Variants in TBCD observed in about 807,000 individuals in gnomAD.
TBCD encodes tubulin-specific chaperone D.
In TBCD, 105 loss-of-function variants were observed where a neutral mutation model predicts 169.3. That is an observed-to-expected ratio of 0.62 (90% CI 0.53 to 0.73). The LOEUF is 0.73. Among genes scored for constraint, TBCD ranks in the 30% least tolerant of loss-of-function variants. The probability of loss-of-function intolerance (pLI) is 0.00; values close to 1 mark genes in which losing one functional copy is unlikely to be tolerated. For synonymous variants in TBCD, 700 were observed against 643.9 expected (o/e 1.09, Z -1.32); for missense variants, 1,444 against 1,600.1 (o/e 0.90, Z 1.66).
intron 2 of TBCD, among the ~76,000 whole-genome samples, chr17:82,758,335 G>C (rs1045012999): frequency 1.6e-5 from 2 of 126,906 alleles, no homozygotes; most frequent in African/African-American, 2.9e-5. Flanking sequence ...AGTGAGCCAA[G>C]ATCGTGCCAT....
rs1481724894 is a variant in TBCD at position 82,880,799 on chromosome 17, G to C, written c.1476-3346G>C. On this transcript the variant is annotated intron_variant, in intron 14 of 38. Transcript: ENST00000355528. This position sits in a 1 kb window ranked among gnomAD's most constrained non-coding sequence, Gnocchi z 5.0. Reference sequence around the variant, plus strand: ...CAGGGTCTGTCGGAGCATAGCAGTGGCCCGTACGTGAGGGACTTTGTTGTT... The same window carrying C: ...CAGGGTCTGTCGGAGCATAGCAGTGCCCCGTACGTGAGGGACTTTGTTGTT... Among the ~76,000 whole-genome samples the C allele has an allele frequency of 1.3e-5, 2 of 152,236 alleles. No homozygotes were observed. Among genetic ancestry groups the C allele is most frequent in the Non-Finnish European group, 2.9e-5 (2 of 68,036 alleles).
intron 20 of TBCD, among the ~76,000 whole-genome samples, chr17:82,906,647 A>G (rs1410170587): frequency 1.3e-5 from 2 of 152,238 alleles, no homozygotes; most frequent in Non-Finnish European, 2.9e-5. Flanking sequence ...GACTTACCAT[A>G]GTGACGGCAA....
chr17:82,833,878 G>A lies in TBCD; in HGVS notation c.1318+18944G>A, dbSNP rs936947658. On this transcript the variant is annotated intron_variant, in intron 13 of 38. Coordinates refer to ENST00000355528, the MANE Select transcript of TBCD (RefSeq NM_005993.5). This position sits in a 1 kb window ranked among gnomAD's most constrained non-coding sequence, Gnocchi z 4.7. ...TTTTGGATTCTTCCAGAGGGTCTCTGTGTCCCCCTTACCAGCCTCAGGTTT... is the reference window on the plus strand; with the variant it reads ...TTTTGGATTCTTCCAGAGGGTCTCTATGTCCCCCTTACCAGCCTCAGGTTT... 6.6e-6 allele frequency among the ~76,000 whole-genome samples: 1 copy of A among 152,160 alleles called. No individual in the cohort carries two copies. The highest frequency in any genetic ancestry group is 2.4e-5 in the African/African-American group (1 of 41,452).
Position 82,806,040 on chromosome 17 carries a change from C to T in TBCD, c.1087+29C>T. 14 of 1,602,350 alleles carry T rather than the reference C, an allele frequency of 8.7e-6. No individual in the cohort carries two copies. The highest frequency in any genetic ancestry group is 2.2e-5 in the South Asian group (2 of 90,710). ...CGTGGGGTCTAAGCGGCGGCCTCTG[C>T]TCTTGGGCACCGTCGGGCCAATTCC... On this transcript the variant is annotated intron_variant, in intron 10 of 38. Transcript: ENST00000355528. This position sits in a 1 kb window ranked among gnomAD's most constrained non-coding sequence, Gnocchi z 5.1.
chr17:82,763,906 G>GC, intron 2 of TBCD, 59 bp from the exon 3 acceptor site: 1 of 1,447,820 alleles, frequency 6.9e-7, no homozygotes, highest in East Asian at 2.3e-5. Context: ...CACCTGGCCG[G>GC]CCTCAATGTC....
chr17:82,915,992 C>G lies in TBCD; in HGVS notation c.2038+4203C>G, dbSNP rs1000129005. ...GTGCTGTCGTGCCTTTCGCTTTTAC[C>G]TGTATCTTAAATCACACAGGAGTTC... On this transcript the variant is annotated intron_variant, in intron 23 of 38. Transcript: ENST00000355528. This position sits in a 1 kb window ranked among gnomAD's most constrained non-coding sequence, Gnocchi z 4.3. Among the ~76,000 whole-genome samples, 2 of 152,214 alleles carry G rather than the reference C, an allele frequency of 1.3e-5. No individual in the cohort carries two copies. The highest frequency in any genetic ancestry group is 2.9e-5 in the Non-Finnish European group (2 of 68,048).
At chr17:82,902,715 T>TCTG (rs1738553116) in intron 18 of TBCD, among the ~76,000 whole-genome samples, 2 of 152,242 alleles carry the variant, frequency 1.3e-5, no homozygotes, top group Admixed American at 1.3e-4. Flanking sequence ...ACACCCGCCT[T>TCTG]CTGCATGTTT....
Position 82,903,445 on chromosome 17 carries a change from G to T in TBCD, c.1771G>T (p.Ala591Ser). ...ELAARALHNL[A>S]QQAPEFSATQ... ...GGCTGCGAGGGCGCTGCACAACCTGGCCCAGCAGGCACCCGAGTTCAGCGC... is the reference window on the plus strand; with the variant it reads ...GGCTGCGAGGGCGCTGCACAACCTGTCCCAGCAGGCACCCGAGTTCAGCGC... The change falls in exon 19 of 39, where the codon GCC becomes TCC. Residue 591 changes from alanine to serine, a missense_variant. Ala to Ser is a moderately conservative substitution (Grantham distance 99, BLOSUM62 1). Coordinates refer to ENST00000355528, the MANE Select transcript of TBCD (RefSeq NM_005993.5). This position sits in a 1 kb window ranked among gnomAD's most constrained non-coding sequence, Gnocchi z 4.8. 6.2e-7 allele frequency: 1 copy of T among 1,602,980 alleles called. No individual in the cohort carries two copies. Among genetic ancestry groups the T allele is most frequent in the Non-Finnish European group, 8.5e-7 (1 of 1,174,870 alleles).
chr17:82,939,262 C>T, intron 36 of TBCD, 105 bp from the exon 37 acceptor site: 1 of 879,124 alleles, frequency 1.1e-6, no homozygotes, highest in South Asian at 1.4e-5. Context: ...GCGTCCTCCT[C>T]CTGACGCCTT....
At chr17:82,770,647 G>C (rs1386410906) in intron 5 of TBCD, among the ~76,000 whole-genome samples, 4 of 151,312 alleles carry the variant, frequency 2.6e-5, no homozygotes, top group Non-Finnish European at 5.9e-5. Flanking sequence ...TTGTTTACTT[G>C]TCTGTGGAGA....
At chr17:82,896,006 T>G (rs527958443) in intron 17 of TBCD, 1 of 152,226 alleles carries the variant, frequency 6.6e-6, no homozygotes, top group African/African-American at 2.4e-5. Context: ...TTTTTGTAAA[T>G]GTTAACATCT....
chr17:82,814,840 T>C lies in TBCD; in HGVS notation c.1224T>C (p.Ser408=), dbSNP rs556387630. 23 of 1,613,838 alleles carry C rather than the reference T, an allele frequency of 1.4e-5. No individual in the cohort carries two copies. The East Asian group carries it at 5.1e-4, about 36-fold the overall frequency. Residue 408 remains serine (S), a splice_region_variant and synonymous_variant, in exon 13 of 39, where the codon AGT becomes AGC. Coordinates refer to ENST00000355528, the MANE Select transcript of TBCD (RefSeq NM_005993.5). ...DVVGSVLDCF[S]FQETDKAWHG... ...GTCTCAGGATCTTTGTTGCTCTCAGTTTCCAGGAGACTGACAAGGCGTGGC... is the reference window on the plus strand; with the variant it reads ...GTCTCAGGATCTTTGTTGCTCTCAGCTTCCAGGAGACTGACAAGGCGTGGC...
chr17:82,852,949 C>T (rs1005986929), intron 13 of TBCD, among the ~76,000 whole-genome samples: 7 of 152,194 alleles, frequency 4.6e-5, no homozygotes, highest in Admixed American at 1.3e-4. Context: ...GTCTGGCTTG[C>T]GATGCGTTCT....
At chr17:82,875,211 A>T (rs2057879394) in intron 14 of TBCD, among the ~76,000 whole-genome samples, 1 of 152,250 alleles carries the variant, frequency 6.6e-6, no homozygotes, top group Admixed American at 6.5e-5. Context: ...TGAAGGTAGC[A>T]TTGGTTTTGA....
chr17:82,780,767 C>T (rs2048896370), intron 6 of TBCD, among the ~76,000 whole-genome samples: 1 of 150,380 alleles, frequency 6.6e-6, no homozygotes, highest in Non-Finnish European at 1.5e-5. Context: ...GCCTTAGCCT[C>T]CTGAGTAGCT....
Position 82,903,508 on chromosome 17 carries a change from C to T in TBCD, c.1804+30C>T. On this transcript the variant is annotated intron_variant, in intron 19 of 38. Transcript: ENST00000355528. The surrounding 1 kb of genome is among the most constrained non-coding windows in gnomAD (Gnocchi z 4.8). ...GTGTGTGTCCCGGCCGGCCTGCGGG[C>T]ACCATGCATGCACTGCAGAAAGGCC... The T allele has an allele frequency of 1.3e-6, 2 of 1,568,410 alleles. No individual in the cohort carries two copies. Among genetic ancestry groups the T allele is most frequent in the Non-Finnish European group, 1.7e-6 (2 of 1,155,856 alleles).
intron 23 of TBCD, among the ~76,000 whole-genome samples, chr17:82,917,617 C>A (rs540548623): frequency 1.3e-5 from 2 of 152,188 alleles, no homozygotes; most frequent in Non-Finnish European, 1.5e-5. Flanking sequence ...TGGCTCTTGA[C>A]GGGAGGCGGG....
chr17:82,807,136 G>A (rs3791159), intron 10 of TBCD, among the ~76,000 whole-genome samples: 9,276 of 152,312 alleles, frequency 0.061, 392 homozygotes, highest in Admixed American at 0.14. Flanking sequence ...GGCCCTCACC[G>A]TGTGACCTGA....
intron 22 of TBCD, among the ~76,000 whole-genome samples, chr17:82,910,143 C>T (rs761061068): frequency 1.5e-4 from 23 of 152,226 alleles, no homozygotes; most frequent in Admixed American, 2.6e-4. Context: ...GTACGTTTCA[C>T]GTTTCCTGGC....
Sources: gnomAD v4.1 joint callset for allele counts (sites outside exome capture counted in the v4.1 genomes callset) on GRCh38, gnomAD v4.1.1 for gene constraint, Gnocchi (gnomAD v3.1) non-coding constraint, MANE v1.5 for transcripts, NCBI Gene and HGNC (gene_info 2026-07-23, HGNC 2026-07-21) for gene names.